The following CYTH2 variants were observed in gnomAD, a reference collection of about 807,000 sequenced individuals.
CYTH2 encodes the protein cytohesin-2.
CYTH2 carries 24 observed loss-of-function variants against 55.4 expected under a neutral mutation model. The ratio of observed to expected loss-of-function variants is 0.43; its 90% confidence interval spans 0.31 to 0.61. The LOEUF (loss-of-function observed/expected upper bound fraction) is 0.61, where lower values mean the gene tolerates loss of function less well. Among genes scored for constraint, CYTH2 ranks in the 20% least tolerant of loss-of-function variants. CYTH2 has a pLI of 0.08. For synonymous variants in CYTH2, 221 were observed against 209.6 expected, an observed-to-expected ratio of 1.05 and a Z score of -0.47; for missense variants, 378 against 533.5, an observed-to-expected ratio of 0.71 and a Z score of 2.87.
chr19:48,478,613 C>T (rs766124056), intron 11 of CYTH2, 21 bp downstream of exon 11: 1 of 1,537,644 alleles, frequency 6.5e-7, no homozygotes, highest in South Asian at 1.2e-5. Flanking sequence ...ACTCCTGGGC[C>T]TGATGGAGGA....
At chr19:48,472,098 C>T (rs1044723045) in intron 3 of CYTH2, among the ~76,000 whole-genome samples, 3 of 152,176 alleles carry the variant, frequency 2.0e-5, no homozygotes, top group African/African-American at 7.2e-5. Flanking sequence ...TTGCCAGACC[C>T]TGTTGTTGGT....
In CYTH2 at chr19:48,478,133, T is replaced by A; in HGVS notation, c.873T>A (p.Phe291Leu). 3 of 1,614,096 alleles carry A rather than the reference T, an allele frequency of 1.9e-6. No individual in the cohort carries two copies. The highest frequency in any genetic ancestry group is 2.5e-6 in the Non-Finnish European group (3 of 1,179,982). Residue 291 changes from phenylalanine to leucine, a missense_variant, in exon 9 of 12, where the codon TTT (phenylalanine) becomes TTA (leucine). Physicochemically the swap from Phe to Leu is conservative, Grantham distance 22. Coordinates refer to ENST00000452733, the MANE Select transcript of CYTH2 (RefSeq NM_004228.7). ...TCACAGACAACTGCCTCTACTACTT[T>A]GAGTACACCACGGTGAGCGTGACCC... ...FILTDNCLYY[F>L]EYTTDKEPRG...
rs755432500 is a variant in CYTH2, at chr19:48,474,052, G to A, written c.547+35G>A. The stretch of plus-strand genomic sequence containing the variant: ...CCAAATCCTGGGTCCTGGGAAAGAG[G>A]AGACTGGGGCCCAGACTCCTAGGTC... On this transcript the variant is annotated intron_variant, in intron 6 of 11. Coordinates refer to ENST00000452733, the MANE Select transcript of CYTH2 (RefSeq NM_004228.7). This position sits in a 1 kb window ranked among gnomAD's most constrained non-coding sequence, Gnocchi z 4.9. The A allele has an allele frequency of 1.3e-5, 20 of 1,577,312 alleles. No homozygotes were observed. The highest frequency in any genetic ancestry group is 2.2e-5 in the East Asian group (1 of 44,606).
intron 1 of CYTH2, chr19:48,469,967 A>C (rs1971756017): frequency 3.6e-6 from 2 of 551,592 alleles, no homozygotes; most frequent in Non-Finnish European, 7.1e-6. Flanking sequence ...TCATGGACCC[A>C]GTAGTCCGGA....
chr19:48,478,693 G>A (rs1344119019), intron 11 of CYTH2, 101 bp downstream of exon 11: 1 of 703,524 alleles, frequency 1.4e-6, no homozygotes, highest in East Asian at 2.9e-5. Context: ...GTCTGATGGA[G>A]GAGGGGCTGG....
chr19:48,478,095 C>G lies in CYTH2; in HGVS notation c.835C>G (p.Arg279Gly). 6.2e-7 allele frequency: 1 copy of G among 1,614,108 alleles called. No homozygotes were observed. The highest frequency in any genetic ancestry group is 1.1e-5 in the South Asian group (1 of 91,086). ...GGGCCGGGTGAAGACGTGGAAGCGG[C>G]GCTGGTTTATCCTCACAGACAACTG... ...LGGRVKTWKR[R>G]WFILTDNCLY... The change falls in exon 9 of 12, where the codon CGC becomes GGC. Residue 279 changes from arginine to glycine, a missense_variant. By Grantham distance (125) the Arg-to-Gly change is moderately radical. Transcript: ENST00000452733.
chr19:48,479,452 T>G lies in CYTH2; in HGVS notation c.*242T>G. On this transcript the variant is annotated 3_prime_UTR_variant, in exon 12 of 12. Coordinates refer to ENST00000452733, the MANE Select transcript of CYTH2 (RefSeq NM_004228.7). ...AGGTGCTCCGTGGAGCCAGCCTGTT[T>G]CCCTGGACAGGGGCCTGGACCCGCC... The G allele has an allele frequency of 2.1e-6, 1 of 470,762 alleles. No homozygotes were observed. The highest frequency in any genetic ancestry group is 3.7e-5 in the East Asian group (1 of 27,274). 29.2% of individuals were successfully genotyped at this position (470,762 alleles called of 1,614,324 possible).
At position 48,473,941 on chromosome 19, in the gene CYTH2, C is replaced by G; in HGVS notation, c.471C>G (p.Ala157=). Residue 157 remains alanine, a synonymous_variant, in exon 6 of 12, where the codon GCC becomes GCG. Transcript: ENST00000452733. The part of the protein sequence containing the change: ...FLWSFRLPGE[A]QKIDRMMEAF... ...GGAGCTTTCGCCTACCCGGAGAGGC[C>G]CAGAAAATTGACCGGATGATGGAGG... The G allele has an allele frequency of 6.2e-7, 1 of 1,613,594 alleles. No homozygotes were observed. The highest frequency in any genetic ancestry group is 8.5e-7 in the Non-Finnish European group (1 of 1,179,730).
At chr19:48,470,293 G>A in intron 1 of CYTH2, 60 bp from the exon 2 acceptor site, 2 of 1,542,732 alleles carry the variant, frequency 1.3e-6, no homozygotes, top group Non-Finnish European at 1.7e-6. Context: ...CCCCCAGATT[G>A]CAGGAATTCA....
chr19:48,481,285 A>AGT lies in CYTH2; in HGVS notation c.*2076_*2077dup, dbSNP rs1656692273. On this transcript the variant is annotated 3_prime_UTR_variant, in exon 12 of 12. Transcript: ENST00000452733. ...GCCATGACTGAGGTGGTCGAAAGGG[A>AGT]GTATTTAAGGGGAAATCAGGCATTC... 6.5e-6 allele frequency: 1 copy of AGT among 153,048 alleles called. No individual in the cohort carries two copies. The highest frequency in any genetic ancestry group is 2.4e-5 in the African/African-American group (1 of 41,364). 9.5% of individuals were successfully genotyped at this position (153,048 alleles called of 1,614,324 possible). A position where few individuals can be genotyped will look rare whatever the true frequency, so the allele number is the denominator to read the frequency against.
At chr19:48,478,185 A>T in intron 9 of CYTH2, 40 bp downstream of exon 9, 1 of 1,612,308 alleles carries the variant, frequency 6.2e-7, no homozygotes. Context: ...TCCTGGGCGG[A>T]GTGGCTGGGA....
intron 8 of CYTH2, chr19:48,475,875 T>G (rs936753249): frequency 3.4e-6 from 1 of 297,574 alleles, no homozygotes; most frequent in Non-Finnish European, 7.0e-6. Flanking sequence ...TAGATGTGGT[T>G]TATAATGGAG....
In CYTH2 at chr19:48,470,466, A is replaced by C; in HGVS notation, c.133A>C (p.Ser45Arg). 1.2e-6 allele frequency: 2 copies of C among 1,614,056 alleles called. No homozygotes were observed. The highest frequency in any genetic ancestry group is 1.7e-6 in the Non-Finnish European group (2 of 1,179,984). ...RLREELSEAM[S>R]EVEGLEANEG... ...GCGGGAGGAGCTCAGTGAAGCCATG[A>C]GCGAGGTGGAGGGGCTGGAGGCCAA... Residue 45 changes from serine (S) to arginine (R), a missense_variant, in exon 2 of 12, where the codon AGC becomes CGC. Ser to Arg is a moderately radical substitution (Grantham distance 110). Coordinates refer to ENST00000452733, the MANE Select transcript of CYTH2 (RefSeq NM_004228.7).
Position 48,474,968 on chromosome 19 carries a change from C to G in CYTH2, c.808+19C>G, listed in dbSNP as rs1328099905. ...AAGCTGGGTACGTGCCCTCCCGACC[C>G]CGCTGGTCCCTCCGCAGGAGGACAT... On this transcript the variant is annotated intron_variant, in intron 8 of 11. Transcript: ENST00000452733. This position sits in a 1 kb window ranked among gnomAD's most constrained non-coding sequence, Gnocchi z 4.9. 1 of 1,608,976 alleles carries G rather than the reference C, an allele frequency of 6.2e-7. No individual in the cohort carries two copies. The highest frequency in any genetic ancestry group is 8.5e-7 in the Non-Finnish European group (1 of 1,176,110).
At position 48,476,309 on chromosome 19, in the gene CYTH2, G is replaced by A. The variant is rs1971911233; in HGVS notation, c.808+1360G>A. On this transcript the variant is annotated intron_variant, in intron 8 of 11. Transcript: ENST00000452733. Reference sequence around the variant, plus strand: ...AAAAAAATTAGCCAGGCATGGTGATGTGGGAGGATTGTTTGAGCTCAAGTG... The same window carrying A: ...AAAAAAATTAGCCAGGCATGGTGATATGGGAGGATTGTTTGAGCTCAAGTG... The A allele has an allele frequency of 1.9e-5, 4 of 214,976 alleles. No individual in the cohort carries two copies. In the South Asian group the frequency reaches 2.1e-4, roughly 11 times the overall value. The allele number at this position is 214,976 out of a possible 1,614,324, so 13.3% of individuals were successfully genotyped here.
In CYTH2 at chr19:48,479,252, G is replaced by C. The variant is rs371251069; in HGVS notation, c.*42G>C. On this transcript the variant is annotated 3_prime_UTR_variant, in exon 12 of 12. Coordinates refer to ENST00000452733, the MANE Select transcript of CYTH2 (RefSeq NM_004228.7). ...CCATTATTTATTACGGAGCTGCCCC[G>C]CCTGGGTGGCCGGACCCCTGGGCCT... The C allele has an allele frequency of 6.2e-7, 1 of 1,606,830 alleles. No homozygotes were observed. Among genetic ancestry groups the C allele is most frequent in the African/African-American group, 1.3e-5 (1 of 74,764 alleles).
chr19:48,471,407 C>G (rs1971790570), intron 3 of CYTH2, among the ~76,000 whole-genome samples: 1 of 152,208 alleles, frequency 6.6e-6, no homozygotes, highest in Non-Finnish European at 1.5e-5. Context: ...CCGCCTCAGC[C>G]TCCCAAAGTG....
At position 48,479,613 on chromosome 19, in the gene CYTH2, A is replaced by G; in HGVS notation, c.*403A>G. The G allele has an allele frequency of 5.0e-6, 1 of 200,512 alleles. No individual in the cohort carries two copies. The highest frequency in any genetic ancestry group is 1.2e-4 in the East Asian group (1 of 8,544). 12.4% of individuals were successfully genotyped at this position (200,512 alleles called of 1,614,324 possible). ...GAATTGGCCGGGGACAGAGTTTAGAATGCAGGGATTCAGGGTCAAGGTCTA... is the reference window on the plus strand; with the variant it reads ...GAATTGGCCGGGGACAGAGTTTAGAGTGCAGGGATTCAGGGTCAAGGTCTA... On this transcript the variant is annotated 3_prime_UTR_variant, in exon 12 of 12. Transcript: ENST00000452733.
intron 4 of CYTH2, 162 bp from the exon 5 acceptor site, chr19:48,473,136 C>T (rs1440128163): frequency 9.9e-6 from 7 of 706,798 alleles, no homozygotes; most frequent in East Asian, 2.7e-5. Context: ...GCATCCCCCA[C>T]CCTGGGGGCA....
Sources: gnomAD v4.1 joint callset for allele counts (sites outside exome capture counted in the v4.1 genomes callset) on GRCh38, gnomAD v4.1.1 for gene constraint, Gnocchi (gnomAD v3.1) non-coding constraint, MANE v1.5 for transcripts, NCBI Gene and HGNC (gene_info 2026-07-23, HGNC 2026-07-21) for gene names.